IGDCC3: variants seen among roughly 807,000 people sequenced by gnomAD.
IGDCC3 encodes the protein immunoglobulin superfamily DCC subclass member 3.
Under a neutral mutation model 72.0 loss-of-function variants are expected in IGDCC3, and 47 were observed. The observed-to-expected ratio is 0.65, with a 90% CI of 0.52 to 0.83. IGDCC3 has a LOEUF of 0.83. Among genes scored for constraint, IGDCC3 ranks in the 40% least tolerant of loss-of-function variants. IGDCC3 has a pLI of 0.00. For missense variants in IGDCC3, 1,038 were observed against 1,091.3 expected (o/e 0.95, Z 0.69); for synonymous variants, 477 against 472.8 (o/e 1.01, Z -0.11).
At chr15:65,333,476 TAAAGG>T in intron 5 of IGDCC3, 61 bp from the exon 6 acceptor site, 2 of 1,455,698 alleles carry the variant, frequency 1.4e-6, no homozygotes, top group Non-Finnish European at 1.8e-6. Flanking sequence ...AGAAGGAAAG[TAAAGG>T]AAACTTCCAG....
rs149794193 is a variant in IGDCC3 at position 65,331,459 on chromosome 15, T to C, written c.1349A>G (p.Asn450Ser). 1.2e-6 allele frequency: 2 copies of C among 1,613,120 alleles called. No homozygotes were observed. The highest frequency in any genetic ancestry group is 1.3e-5 in the African/African-American group (1 of 75,040). Reference protein sequence around the residue: ...VRVSWSEPLANTKEIIGYVLH... With the variant: ...VRVSWSEPLASTKEIIGYVLH... ...GACGTAGCCGATGATCTCCTTGGTG[T>C]TGGCCAGCGGCTCACTCCAGGACAC... Residue 450 changes from asparagine (N) to serine (S), a missense_variant, in exon 8 of 14, where the codon AAC becomes AGC. Asn to Ser is a conservative substitution (Grantham distance 46). Transcript: ENST00000327987.
intron 2 of IGDCC3, among the ~76,000 whole-genome samples, chr15:65,356,676 T>G (rs1389008886): frequency 6.6e-6 from 1 of 150,452 alleles, no homozygotes; most frequent in African/African-American, 2.5e-5. Context: ...CAAAGTGGGT[T>G]TTTTTTTAAA....
chr15:65,332,794 G>A (rs958955646), intron 6 of IGDCC3, among the ~76,000 whole-genome samples: 8 of 152,294 alleles, frequency 5.3e-5, no homozygotes, highest in Non-Finnish European at 1.2e-4. Context: ...GCAGGGCCCC[G>A]CCCCACGGGA....
In IGDCC3 at chr15:65,334,823, C is replaced by T; in HGVS notation, c.728G>A (p.Gly243Glu). The change falls in exon 5 of 14, where the codon GGG becomes GAG. Residue 243 changes from glycine (G) to glutamate (E), a missense_variant. Physicochemically the swap from Gly to Glu is moderately conservative, Grantham distance 98 (BLOSUM62 -2). Transcript: ENST00000327987. ...GAYKEPAILV[G>E]PENLTLTVHQ... The stretch of plus-strand genomic sequence containing the variant: ...CACTGTCAGGGTGAGGTTCTCAGGC[C>T]CCACGAGGATGGCTGGCTCCTTGTA... 1.2e-6 allele frequency: 2 copies of T among 1,613,178 alleles called. No individual in the cohort carries two copies. Among genetic ancestry groups the T allele is most frequent in the Non-Finnish European group, 1.7e-6 (2 of 1,179,638 alleles).
rs1023906435 is a variant in IGDCC3 at position 65,335,334 on chromosome 15, G to A, written c.642C>T (p.Ile214=). Residue 214 remains isoleucine, a synonymous_variant, in exon 4 of 14, where the codon ATC becomes ATT. Coordinates refer to ENST00000327987, the MANE Select transcript of IGDCC3 (RefSeq NM_004884.4). ...GGIFHCVASN[I]ASIRISHGAR... ...CCCCGTGGCTGATCCGGATACTGGC[G>A]ATGTTTGAGGCCACACAGTGGAAGA... 7 of 1,613,742 alleles carry A rather than the reference G, an allele frequency of 4.3e-6. No individual in the cohort carries two copies. The highest frequency in any genetic ancestry group is 5.9e-6 in the Non-Finnish European group (7 of 1,179,834).
At chr15:65,336,608 C>T (rs1468882037) in intron 2 of IGDCC3, among the ~76,000 whole-genome samples, 1 of 152,066 alleles carries the variant, frequency 6.6e-6, no homozygotes, top group Non-Finnish European at 1.5e-5. Context: ...TCCAAGGTGA[C>T]AAGCCTCTCA....
At chr15:65,368,035 T>TTA (rs1000890021) in intron 2 of IGDCC3, among the ~76,000 whole-genome samples, 13 of 152,278 alleles carry the variant, frequency 8.5e-5, no homozygotes, top group Admixed American at 8.5e-4. Context: ...TCAGTCCAGT[T>TTA]TAAACAAAGA....
At position 65,334,801 on chromosome 15, in the gene IGDCC3, T is replaced by G. The variant is rs778311324; in HGVS notation, c.750A>C (p.Thr250=). 6.2e-6 allele frequency: 10 copies of G among 1,612,654 alleles called. No homozygotes were observed. The highest frequency in any genetic ancestry group is 1.7e-4 in the Middle Eastern group (1 of 6,054). Residue 250 remains threonine (T), a synonymous_variant, in exon 5 of 14, where the codon ACA becomes ACC. Coordinates refer to ENST00000327987, the MANE Select transcript of IGDCC3 (RefSeq NM_004884.4). The part of the protein sequence containing the change: ...ILVGPENLTL[T]VHQTAVLECV... ...ACTCAAGCACCGCGGTCTGGTGCAC[T>G]GTCAGGGTGAGGTTCTCAGGCCCCA...
In IGDCC3 at chr15:65,329,222, C is replaced by T. The variant is rs992598851; in HGVS notation, c.2206-74G>A. 1.3e-6 allele frequency: 2 copies of T among 1,534,398 alleles called. No individual in the cohort carries two copies. The highest frequency in any genetic ancestry group is 1.7e-6 in the Non-Finnish European group (2 of 1,145,024). Reference sequence around the variant, plus strand: ...CAGGCTCCAACTCACCCCACTTGGGCCTTAGGGTCTCCAGGTCTCCCTGCC... The same window carrying T: ...CAGGCTCCAACTCACCCCACTTGGGTCTTAGGGTCTCCAGGTCTCCCTGCC... On this transcript the variant is annotated intron_variant, in intron 13 of 13. Coordinates refer to ENST00000327987, the MANE Select transcript of IGDCC3 (RefSeq NM_004884.4). The surrounding 1 kb of genome is among the most constrained non-coding windows in gnomAD (Gnocchi z 4.1).
At chr15:65,370,721 A>G (rs2091321128) in intron 2 of IGDCC3, among the ~76,000 whole-genome samples, 1 of 149,712 alleles carries the variant, frequency 6.7e-6, no homozygotes, top group Admixed American at 6.7e-5. Context: ...GCACATTATC[A>G]TAGGTAATCT....
In IGDCC3 at chr15:65,343,677, G is replaced by A. The variant is rs1226172274; in HGVS notation, c.410-7721C>T. ...AACTCAGGCGCCCGATGGCTACTCT[G>A]GCCTCCACGCAGACCCACCGGAGCC... On this transcript the variant is annotated intron_variant, in intron 2 of 13. Transcript: ENST00000327987. Among the ~76,000 whole-genome samples, 3 of 152,148 alleles carry A rather than the reference G, an allele frequency of 2.0e-5. No individual in the cohort carries two copies. The East Asian group carries it at 5.8e-4, about 29-fold the overall frequency.
In IGDCC3 at chr15:65,329,300, AGGC is replaced by A; in HGVS notation, c.2205+87_2205+89del. 6.8e-7 allele frequency: 1 copy of A among 1,475,252 alleles called. No individual in the cohort carries two copies. The highest frequency in any genetic ancestry group is 9.2e-7 in the Non-Finnish European group (1 of 1,092,476). 91.4% of individuals were successfully genotyped at this position (1,475,252 alleles called of 1,614,324 possible). A position where few individuals can be genotyped will look rare whatever the true frequency, so the allele number is the denominator to read the frequency against. ...GCAGTTTGACTAAGGCCAATGATCGAGGCCCGTGGCCAAGGTGAAGGGGGGCAG... is the reference window on the plus strand; with the variant it reads ...GCAGTTTGACTAAGGCCAATGATCGACCGTGGCCAAGGTGAAGGGGGGCAG... On this transcript the variant is annotated intron_variant, in intron 13 of 13. Transcript: ENST00000327987. The surrounding 1 kb of genome is among the most constrained non-coding windows in gnomAD (Gnocchi z 4.1).
At chr15:65,342,660 C>A (rs1437892784) in intron 2 of IGDCC3, among the ~76,000 whole-genome samples, 5 of 152,122 alleles carry the variant, frequency 3.3e-5, no homozygotes, top group Non-Finnish European at 1.5e-5. Context: ...TCCTCTCCAT[C>A]CTCATCACTG....
Position 65,377,846 on chromosome 15 carries a change from C to T in IGDCC3, c.-58G>A. ...CGGCTCCCGGGCCTCTCGCGGCTCA[C>T]AGCGTCCCGCGGGGCCGGCGCCGGG... On this transcript the variant is annotated 5_prime_UTR_variant, in exon 1 of 14. In the 5' UTR this introduces an upstream ATG that the reference lacks. Coordinates refer to ENST00000327987, the MANE Select transcript of IGDCC3 (RefSeq NM_004884.4). The surrounding 1 kb of genome is among the most constrained non-coding windows in gnomAD (Gnocchi z 4.9). The T allele has an allele frequency of 9.0e-7, 1 of 1,114,880 alleles. No individual in the cohort carries two copies. The highest frequency in any genetic ancestry group is 1.1e-6 in the Non-Finnish European group (1 of 914,000). 69.1% of individuals were successfully genotyped at this position (1,114,880 alleles called of 1,614,324 possible).
chr15:65,366,885 A>T (rs1210893193), intron 2 of IGDCC3, among the ~76,000 whole-genome samples: 2 of 151,920 alleles, frequency 1.3e-5, no homozygotes, highest in Non-Finnish European at 2.9e-5. Flanking sequence ...CTTACATCTG[A>T]GGGCAGCCAC....
intron 2 of IGDCC3, among the ~76,000 whole-genome samples, chr15:65,349,704 C>T (rs2091157132): frequency 6.6e-6 from 1 of 152,132 alleles, no homozygotes; most frequent in Non-Finnish European, 1.5e-5. Context: ...GGGAGCTTCA[C>T]CTTTTAACCA....
Position 65,328,847 on chromosome 15 carries a change from C to T in IGDCC3, c.*62G>A, listed in dbSNP as rs2090946983. Reference sequence around the variant, plus strand: ...CCAAATCCCACATGACAGTAGAAATCTTGCTTTTGACCTGAGAATGGGCCC... The same window carrying T: ...CCAAATCCCACATGACAGTAGAAATTTTGCTTTTGACCTGAGAATGGGCCC... On this transcript the variant is annotated 3_prime_UTR_variant, in exon 14 of 14. Coordinates refer to ENST00000327987, the MANE Select transcript of IGDCC3 (RefSeq NM_004884.4). 6.1e-6 allele frequency: 9 copies of T among 1,485,986 alleles called. No individual in the cohort carries two copies. The East Asian group carries it at 2.2e-4, about 37-fold the overall frequency. 92.1% of individuals were successfully genotyped at this position (1,485,986 alleles called of 1,614,324 possible). A position where few individuals can be genotyped will look rare whatever the true frequency, so the allele number is the denominator to read the frequency against.
intron 2 of IGDCC3, among the ~76,000 whole-genome samples, chr15:65,343,800 C>G (rs981775070): frequency 1.9e-4 from 29 of 152,190 alleles, no homozygotes; most frequent in African/African-American, 6.3e-4. Flanking sequence ...CCTCAAGGCA[C>G]CTGCAAATGT....
chr15:65,333,812 G>C (rs188095348), intron 5 of IGDCC3, among the ~76,000 whole-genome samples: 3,057 of 151,314 alleles, frequency 0.02, 48 homozygotes, highest in Admixed American at 0.028. Flanking sequence ...TGACCTGGTT[G>C]GGGGGGGAAC....
Sources: gnomAD v4.1 joint callset for allele counts (sites outside exome capture counted in the v4.1 genomes callset) on GRCh38, gnomAD v4.1.1 for gene constraint, Gnocchi (gnomAD v3.1) non-coding constraint, MANE v1.5 for transcripts, NCBI Gene and HGNC (gene_info 2026-07-23, HGNC 2026-07-21) for gene names.